Variants in IMPG1 observed in about 807,000 individuals in gnomAD.
IMPG1 encodes the protein interphotoreceptor matrix proteoglycan 1, also known as interphotoreceptor matrix proteoglycan of 150 kDa.
IMPG1 carries 85 observed loss-of-function variants against 92.0 expected under a neutral mutation model. The observed-to-expected ratio is 0.92, with a 90% CI of 0.78 to 1.11. The LOEUF is 1.11. Ranked by LOEUF, IMPG1 falls within the 50% of genes least tolerant of loss-of-function variation. IMPG1 has a pLI of 0.00. For synonymous variants in IMPG1, 367 were observed against 334.1 expected, an observed-to-expected ratio of 1.10 and a Z score of -1.08; for missense variants, 1,022 against 956.0, an observed-to-expected ratio of 1.07 and a Z score of -0.91.
intron 4 of IMPG1, among the ~76,000 whole-genome samples, chr6:76,028,882 T>A (rs539914644): frequency 1.3e-5 from 2 of 152,256 alleles, no homozygotes; most frequent in South Asian, 4.1e-4. Flanking sequence ...TGCTTGTTTC[T>A]CTCTGCCTGG....
chr6:75,929,553 G>T, intron 15 of IMPG1, among the ~76,000 whole-genome samples: 1 of 123,140 alleles, frequency 8.1e-6, no homozygotes, highest in South Asian at 3.2e-4. Context: ...CTGTTGTGGG[G>T]TGGGGGGAGG....
intron 4 of IMPG1, among the ~76,000 whole-genome samples, chr6:76,034,060 A>T (rs1562377934): frequency 6.6e-6 from 1 of 152,248 alleles, no homozygotes; most frequent in Non-Finnish European, 1.5e-5. Flanking sequence ...TTAGATACAT[A>T]TCACATAGCA....
rs999698080 is a variant in IMPG1, at chr6:76,041,046, G to A, written c.301+847C>T. On this transcript the variant is annotated intron_variant, in intron 2 of 16. Coordinates refer to ENST00000369950, the MANE Select transcript of IMPG1 (RefSeq NM_001563.4). ...TCAGTAAAACTCTCAACTTTCGCAT[G>A]TAAGATAAATTGAATTTAAGACTCA... Among the ~76,000 whole-genome samples the A allele has an allele frequency of 3.3e-5, 5 of 152,298 alleles. No individual in the cohort carries two copies. The South Asian group carries it at 1.0e-3, about 32-fold the overall frequency.
At chr6:76,022,075 C>T (rs768527709) in intron 6 of IMPG1, 41 bp downstream of exon 6, 2 of 1,103,028 alleles carry the variant, frequency 1.8e-6, no homozygotes, top group Non-Finnish European at 2.7e-6. Flanking sequence ...AGAACAAAAA[C>T]AGGCACATGA....
intron 1 of IMPG1, among the ~76,000 whole-genome samples, chr6:76,056,229 A>G (rs1235027865): frequency 6.6e-6 from 1 of 152,170 alleles, no homozygotes; most frequent in Non-Finnish European, 1.5e-5. Flanking sequence ...GAGAAAAACT[A>G]TTTGGCAATC....
intron 12 of IMPG1, among the ~76,000 whole-genome samples, chr6:75,980,414 C>T (rs1853934): frequency 0.46 from 70,560 of 151,982 alleles, 16,801 homozygotes; most frequent in East Asian, 0.71. Flanking sequence ...GGATGCAAAG[C>T]ATCGTTCCTG....
At chr6:76,052,258 C>G (rs1347401337) in intron 1 of IMPG1, among the ~76,000 whole-genome samples, 1 of 152,112 alleles carries the variant, frequency 6.6e-6, no homozygotes, top group African/African-American at 2.4e-5. Flanking sequence ...GTACCCAGAA[C>G]AGAAATGTGT....
At chr6:75,940,570 C>G (rs1388276014) in intron 14 of IMPG1, among the ~76,000 whole-genome samples, 1 of 152,086 alleles carries the variant, frequency 6.6e-6, no homozygotes, top group Non-Finnish European at 1.5e-5. Context: ...AGTTGGAAAA[C>G]GTTTTGAGCT....
At chr6:75,976,318 A>T (rs1177737248) in intron 12 of IMPG1, among the ~76,000 whole-genome samples, 2 of 152,178 alleles carry the variant, frequency 1.3e-5, no homozygotes, top group Non-Finnish European at 2.9e-5. Flanking sequence ...TAATCCCAGC[A>T]CTTTGGGAGA....
chr6:75,922,391 C>G (rs1781444672), intron 16 of IMPG1, among the ~76,000 whole-genome samples: 1 of 152,214 alleles, frequency 6.6e-6, no homozygotes, highest in Admixed American at 6.5e-5. Context: ...TGACCCATCT[C>G]ATAGAGCAGG....
intron 15 of IMPG1, among the ~76,000 whole-genome samples, chr6:75,924,457 T>TATATAATATAAATATAATTATATATTATA (rs1304691108): frequency 7.7e-5 from 8 of 104,522 alleles, no homozygotes; most frequent in African/African-American, 3.2e-4. Context: ...ATAACATAAT[T>TATATAATATAAATATAATTATATATTATA]ATATAATATA....
At chr6:75,953,466 C>A (rs1397420890) in intron 12 of IMPG1, among the ~76,000 whole-genome samples, 1 of 152,052 alleles carries the variant, frequency 6.6e-6, no homozygotes, top group Non-Finnish European at 1.5e-5. Flanking sequence ...TCCATGTGTT[C>A]TCATTGTTCA....
At chr6:75,996,991 G>A (rs1292071823) in intron 12 of IMPG1, among the ~76,000 whole-genome samples, 1 of 152,180 alleles carries the variant, frequency 6.6e-6, no homozygotes, top group Non-Finnish European at 1.5e-5. Context: ...CAAAATTTGA[G>A]GGAGGGTACT....
rs111251553 is a variant in IMPG1, at chr6:75,992,711, C to T, written c.1291+10207G>A. ...AACTCCTTTTTCTGACTTTTAAGGC[C>T]CTGCTTGATATATATCCTTCCCCTA... On this transcript the variant is annotated intron_variant, in intron 12 of 16. Transcript: ENST00000369950. 9.6e-3 allele frequency among the ~76,000 whole-genome samples: 1,468 copies of T among 152,144 alleles called. 15 individuals carry two copies. Among genetic ancestry groups the T allele is most frequent in the African/African-American group, 0.034 (1,393 of 41,486 alleles).
intron 12 of IMPG1, among the ~76,000 whole-genome samples, chr6:75,954,277 G>A (rs1293013892): frequency 6.6e-6 from 1 of 152,144 alleles, no homozygotes; most frequent in African/African-American, 2.4e-5. Context: ...AGCATCTGTT[G>A]TTTTCTGACT....
chr6:75,976,171 T>C (rs1164045703), intron 12 of IMPG1, among the ~76,000 whole-genome samples: 1 of 152,238 alleles, frequency 6.6e-6, no homozygotes, highest in Non-Finnish European at 1.5e-5. Context: ...ATTTTACATT[T>C]AAATGAGGGT....
chr6:76,041,979 G>A lies in IMPG1; in HGVS notation c.215C>T (p.Ala72Val), dbSNP rs1417928281. 3 of 1,613,976 alleles carry A rather than the reference G, an allele frequency of 1.9e-6. No individual in the cohort carries two copies. Among genetic ancestry groups the A allele is most frequent in the Admixed American group, 1.7e-5 (1 of 60,022 alleles). The change falls in exon 2 of 17, where the codon GCA becomes GTA. Residue 72 changes from alanine to valine, a missense_variant. Physicochemically the swap from Ala to Val is moderately conservative, Grantham distance 64. This residue lies in a region of IMPG1 where 681 missense variants were observed against 583.6 expected (regional missense o/e 1.17). Coordinates refer to ENST00000369950, the MANE Select transcript of IMPG1 (RefSeq NM_001563.4). Reference protein sequence around the residue: ...DLAKHRTKRSAFFPTGVKVCP... With the variant: ...DLAKHRTKRSVFFPTGVKVCP... ...GACTTTAACCCCCGTTGGGAAAAAT[G>A]CGGATCTTTTTGTTCGATGCTTTGC...
At chr6:76,039,045 C>T (rs1340928815) in intron 2 of IMPG1, among the ~76,000 whole-genome samples, 3 of 152,232 alleles carry the variant, frequency 2.0e-5, no homozygotes, top group East Asian at 3.8e-4. Flanking sequence ...GCCAGCTGTT[C>T]CCCTGAACAT....
rs529737590 is a variant in IMPG1, at chr6:75,996,316, C to A, written c.1291+6602G>T. Reference sequence around the variant, plus strand: ...CAATGGCTTCAAGGTGAGATAAAGTCACCAAGAGTTACTGAAAACTGCTTG... The same window carrying A: ...CAATGGCTTCAAGGTGAGATAAAGTAACCAAGAGTTACTGAAAACTGCTTG... On this transcript the variant is annotated intron_variant, in intron 12 of 16. Transcript: ENST00000369950. Among the ~76,000 whole-genome samples, 106 of 152,302 alleles carry A rather than the reference C, an allele frequency of 7.0e-4. 2 individuals carry two copies. In the South Asian group the frequency reaches 0.021, roughly 30 times the overall value.
Sources: allele counts gnomAD v4.1 joint callset (sites outside exome capture counted in the v4.1 genomes callset), GRCh38; gene constraint gnomAD v4.1.1; regional missense constraint gnomAD v4.1.1; transcripts MANE v1.5; gene names NCBI Gene and HGNC (gene_info 2026-07-23, HGNC 2026-07-21).